Variants in CUL4A observed in about 807,000 individuals in gnomAD.
The protein encoded by CUL4A is cullin 4A.
In CUL4A, 16 loss-of-function variants were observed where a neutral mutation model predicts 95.5. The ratio of observed to expected loss-of-function variants is 0.17; its 90% CI spans 0.11 to 0.25. CUL4A has a LOEUF of 0.25. CUL4A is among the 10% of genes least tolerant of loss of function. The pLI, the probability that CUL4A is intolerant of heterozygous loss-of-function variation, is 1.00. For missense variants in CUL4A, 610 were observed against 937.0 expected (o/e 0.65, Z 4.56); for synonymous variants, 380 against 353.1 (o/e 1.08, Z -0.85).
chr13:113,221,132 G>A (rs2040882334), intron 3 of CUL4A, among the ~76,000 whole-genome samples: 2 of 152,172 alleles, frequency 1.3e-5, no homozygotes, highest in Admixed American at 1.3e-4. Context: ...GAGCGTGGAG[G>A]GTGCTCTGGA....
At chr13:113,215,032 G>C (rs547179846) in intron 2 of CUL4A, among the ~76,000 whole-genome samples, 1 of 150,556 alleles carries the variant, frequency 6.6e-6, no homozygotes, top group Non-Finnish European at 1.5e-5. Flanking sequence ...GTCCTTTGTG[G>C]CTGTGGACGT....
In CUL4A at chr13:113,265,890, A is replaced by G. The variant is rs986084160; in HGVS notation, c.*2308A>G. 1.3e-5 allele frequency: 2 copies of G among 152,272 alleles called. No individual in the cohort carries two copies. Among genetic ancestry groups the G allele is most frequent in the East Asian group, 3.8e-4 (2 of 5,202 alleles). 9.4% of individuals were successfully genotyped at this position (152,272 alleles called of 1,614,324 possible). A position where few individuals can be genotyped will look rare whatever the true frequency, so the allele number is the denominator to read the frequency against. ...AATTACTTGCAGGTTAGATGGTTGC[A>G]TACCCAGGTCATCTAAGGAGCAAAT... On this transcript the variant is annotated 3_prime_UTR_variant, in exon 20 of 20. Transcript: ENST00000375440.
chr13:113,229,036 G>T (rs1442783174), intron 4 of CUL4A, among the ~76,000 whole-genome samples: 1 of 152,094 alleles, frequency 6.6e-6, no homozygotes, highest in Non-Finnish European at 1.5e-5. Flanking sequence ...GCTGAGGCAG[G>T]AGAATGGTGT....
In CUL4A at chr13:113,218,938, T is replaced by A; in HGVS notation, c.265-7T>A. The A allele has an allele frequency of 1.3e-6, 2 of 1,599,242 alleles. No homozygotes were observed. The highest frequency in any genetic ancestry group is 1.7e-6 in the Non-Finnish European group (2 of 1,169,882). On this transcript the variant is annotated splice_region_variant and splice_polypyrimidine_tract_variant and intron_variant, in intron 2 of 19. Transcript: ENST00000375440. ...CTGAAGAATTGATGTAGCCCTTTTG[T>A]TTGCAGGCTGTGGAAAATCTCTGTT...
intron 11 of CUL4A, 123 bp downstream of exon 11, chr13:113,243,283 T>C (rs1249613765): frequency 1.1e-6 from 1 of 874,446 alleles, no homozygotes; most frequent in Non-Finnish European, 1.7e-6. Flanking sequence ...GCTCAAGGGG[T>C]GTGTGGAAAG....
intron 10 of CUL4A, among the ~76,000 whole-genome samples, chr13:113,242,594 A>G (rs1349695300): frequency 6.6e-6 from 1 of 152,090 alleles, no homozygotes; most frequent in African/African-American, 2.4e-5. Flanking sequence ...GTTCGAGACC[A>G]GCCTGGGCAA....
intron 4 of CUL4A, among the ~76,000 whole-genome samples, chr13:113,228,859 G>A (rs551025656): frequency 3.3e-5 from 5 of 152,192 alleles, no homozygotes; most frequent in South Asian, 2.1e-4. Context: ...GGTGGCTCAC[G>A]CCTGTAATCC....
upstream of CUL4A, chr13:113,208,227 T>G: frequency 6.6e-7 from 1 of 1,507,880 alleles, no homozygotes; most frequent in African/African-American, 1.4e-5. Context: ...ACAGCGTCCA[T>G]CCGACACAGC....
chr13:113,261,396 G>A (rs956281857), intron 19 of CUL4A, among the ~76,000 whole-genome samples: 5 of 152,174 alleles, frequency 3.3e-5, no homozygotes, highest in East Asian at 1.9e-4. Flanking sequence ...ATTCCATGTT[G>A]TGCAGTTTGA....
chr13:113,220,736 A>G (rs759367009), intron 3 of CUL4A, among the ~76,000 whole-genome samples: 3 of 152,178 alleles, frequency 2.0e-5, no homozygotes, highest in African/African-American at 7.2e-5. Context: ...TGGGTTGACT[A>G]ATGTGCCATC....
chr13:113,252,564 C>T (rs963432032), intron 15 of CUL4A, among the ~76,000 whole-genome samples: 1 of 152,218 alleles, frequency 6.6e-6, no homozygotes, highest in Non-Finnish European at 1.5e-5. Flanking sequence ...AGAAACTAAT[C>T]ATAGAAACAA....
chr13:113,222,199 C>G (rs768506095), intron 3 of CUL4A, among the ~76,000 whole-genome samples: 1 of 152,124 alleles, frequency 6.6e-6, no homozygotes, highest in Non-Finnish European at 1.5e-5. Flanking sequence ...CTTTGTTGAA[C>G]CAAGAGGTTG....
upstream of CUL4A, chr13:113,208,861 C>T (rs1176281339): frequency 1.4e-6 from 2 of 1,405,330 alleles, no homozygotes; most frequent in African/African-American, 3.0e-5. Flanking sequence ...ACGCCAGCGG[C>T]TCTGATTGTG....
chr13:113,233,472 C>G, intron 6 of CUL4A, 133 bp downstream of exon 6: 1 of 847,164 alleles, frequency 1.2e-6, no homozygotes, highest in Non-Finnish European at 1.8e-6. Flanking sequence ...CTTTAAAATC[C>G]CTAGAAGGGG....
At chr13:113,232,888 C>T (rs1423089995) in intron 5 of CUL4A, among the ~76,000 whole-genome samples, 1 of 152,102 alleles carries the variant, frequency 6.6e-6, no homozygotes, top group Non-Finnish European at 1.5e-5. Flanking sequence ...GTGGCGAGGA[C>T]CCCGGGCTTC....
At chr13:113,210,370 TG>T (rs1567006538) in intron 2 of CUL4A, among the ~76,000 whole-genome samples, 1 of 152,236 alleles carries the variant, frequency 6.6e-6, no homozygotes, top group Non-Finnish European at 1.5e-5. Flanking sequence ...ACTCATATTT[TG>T]CAAGTATACG....
chr13:113,258,202 G>T (rs912827139), intron 18 of CUL4A, among the ~76,000 whole-genome samples: 9 of 151,976 alleles, frequency 5.9e-5, no homozygotes, highest in Non-Finnish European at 1.0e-4. Flanking sequence ...TGTTACCCAG[G>T]CTGGTCTTGA....
Position 113,263,682 on chromosome 13 carries a change from G to A in CUL4A, c.*100G>A. ...CTGGGACTCTGATTGATCCAGCTGT[G>A]GACATTGGAAGGCGAAGGAAGGGAG... On this transcript the variant is annotated 3_prime_UTR_variant, in exon 20 of 20. Coordinates refer to ENST00000375440, the MANE Select transcript of CUL4A (RefSeq NM_001008895.4). 1.4e-6 allele frequency: 1 copy of A among 698,702 alleles called. No homozygotes were observed. The highest frequency in any genetic ancestry group is 2.3e-6 in the Non-Finnish European group (1 of 434,770). The allele number at this position is 698,702 out of a possible 1,614,324, so 43.3% of individuals were successfully genotyped here.
chr13:113,242,668 A>G (rs1268991434), intron 10 of CUL4A, among the ~76,000 whole-genome samples: 1 of 151,982 alleles, frequency 6.6e-6, no homozygotes, highest in Non-Finnish European at 1.5e-5. Flanking sequence ...AGCCTGTAGC[A>G]CCAGCTACTC....
Sources: gnomAD v4.1 joint callset for allele counts (sites outside exome capture counted in the v4.1 genomes callset) on GRCh38, gnomAD v4.1.1 for gene constraint, MANE v1.5 for transcripts, NCBI Gene and HGNC (gene_info 2026-07-23, HGNC 2026-07-21) for gene names.